The following MYLK2 variants were observed in gnomAD, a reference collection of about 807,000 sequenced individuals.
The protein encoded by MYLK2 is myosin light chain kinase 2, skeletal/cardiac muscle.
A neutral mutation model predicts 58.2 loss-of-function variants in MYLK2; 27 were observed. That is an observed-to-expected ratio of 0.46 (90% confidence interval 0.34 to 0.64). MYLK2 has a LOEUF of 0.64. Among genes scored for constraint, MYLK2 ranks in the 30% least tolerant of loss-of-function variants. The probability of loss-of-function intolerance (pLI) is 0.01; values close to 1 mark genes in which losing one functional copy is unlikely to be tolerated. For synonymous variants in MYLK2, 310 were observed against 296.7 expected, an observed-to-expected ratio of 1.04 and a Z score of -0.46; for missense variants, 676 against 764.3, an observed-to-expected ratio of 0.88 and a Z score of 1.36.
intron 8 of MYLK2, chr20:31,827,252 C>T: frequency 1.0e-6 from 1 of 985,400 alleles, no homozygotes; most frequent in Non-Finnish European, 1.2e-6. Context: ...GTCACACAGA[C>T]AAGTGGCTAA....
At chr20:31,822,519 G>A (rs953708433) in intron 4 of MYLK2, among the ~76,000 whole-genome samples, 1 of 152,164 alleles carries the variant, frequency 6.6e-6, no homozygotes, top group African/African-American at 2.4e-5. Context: ...CCCGTGGCTT[G>A]TTCATGGGCT....
rs774207947 is a variant in MYLK2, at chr20:31,833,718, A to G, written c.1712A>G (p.Lys571Arg). 1 of 1,613,874 alleles carries G rather than the reference A, an allele frequency of 6.2e-7. No homozygotes were observed. Among genetic ancestry groups the G allele is most frequent in the South Asian group, 1.1e-5 (1 of 91,086 alleles). Residue 571 changes from lysine to arginine, a missense_variant and splice_region_variant, in exon 13 of 13, where the codon AAA (lysine) becomes AGA (arginine). Coordinates refer to ENST00000375985, the MANE Select transcript of MYLK2 (RefSeq NM_033118.4). Reference sequence around the variant, plus strand: ...GACTCCCTCTCTTCTGCCCTCTAGAAAAACTTCATTGCTGTCAGCGCTGCC... The same window carrying G: ...GACTCCCTCTCTTCTGCCCTCTAGAGAAACTTCATTGCTGTCAGCGCTGCC... ...KKYLMKRRWKKNFIAVSAANR... is the reference protein window; with the variant it reads ...KKYLMKRRWKRNFIAVSAANR...
chr20:31,828,392 G>T (rs1297822895), intron 8 of MYLK2: 1 of 985,258 alleles, frequency 1.0e-6, no homozygotes, highest in Admixed American at 6.1e-5. Context: ...CAGCAAAGTG[G>T]ATGGTACTTT....
Position 31,826,811 on chromosome 20 carries a change from A to G in MYLK2, c.1097A>G (p.Glu366Gly), listed in dbSNP as rs748477421. 2 of 1,614,074 alleles carry G rather than the reference A, an allele frequency of 1.2e-6. No homozygotes were observed. Among genetic ancestry groups the G allele is most frequent in the South Asian group, 2.2e-5 (2 of 91,060 alleles). Residue 366 changes from glutamate to glycine, a missense_variant, in exon 8 of 13, where the codon GAG (glutamate) becomes GGG (glycine). Around this residue, in one of 2 missense-constraint regions of MYLK2, gnomAD observed 370 missense variants for 467.8 expected, o/e 0.79. Transcript: ENST00000375985. ...TGTGCACACAGCATCGAGGGCGGAG[A>G]GCTCTTCGAGAGGATTGTGGATGAG... Reference protein sequence around the residue: ...VLFMEYIEGGELFERIVDEDY... With the variant: ...VLFMEYIEGGGLFERIVDEDY...
chr20:31,823,360 A>G (rs776894301), intron 4 of MYLK2, 117 bp from the exon 5 acceptor site: 1 of 863,974 alleles, frequency 1.2e-6, no homozygotes, highest in Non-Finnish European at 1.9e-6. Flanking sequence ...TCCCCCAGGT[A>G]TCACTTGGTG....
Position 31,832,140 on chromosome 20 carries a change from C to CCGCT in MYLK2, c.1710+5_1710+8dup, listed in dbSNP as rs1289832308. ...CCTCATGAAGAGGCGCTGGAAGGTA[C>CCGCT]CGCTGGATTCAGGGTGGGGAGGGAG... On this transcript the variant is annotated splice_donor_region_variant and intron_variant, in intron 12 of 12. Coordinates refer to ENST00000375985, the MANE Select transcript of MYLK2 (RefSeq NM_033118.4). The CCGCT allele has an allele frequency of 2.5e-6, 4 of 1,608,692 alleles. No individual in the cohort carries two copies. In the African/African-American group the frequency reaches 5.3e-5, roughly 21 times the overall value.
chr20:31,833,183 A>AG lies in MYLK2; in HGVS notation c.1711-527dup, dbSNP rs1393430669. Among the ~76,000 whole-genome samples, 15 of 152,174 alleles carry AG rather than the reference A, an allele frequency of 9.9e-5. No individual in the cohort carries two copies. The East Asian group carries it at 1.9e-3, about 20-fold the overall frequency. ...CTGTGCCCAGCCTGCACTTCTAAATAGGGGGGGTCAGGAAGGGCTCACTGA... is the reference window on the plus strand; with the variant it reads ...CTGTGCCCAGCCTGCACTTCTAAATAGGGGGGGGTCAGGAAGGGCTCACTGA... On this transcript the variant is annotated intron_variant, in intron 12 of 12. Coordinates refer to ENST00000375985, the MANE Select transcript of MYLK2 (RefSeq NM_033118.4).
chr20:31,822,251 T>TA (rs200013356), intron 4 of MYLK2, among the ~76,000 whole-genome samples: 78 of 151,770 alleles, frequency 5.1e-4, no homozygotes, highest in Admixed American at 1.7e-3. Flanking sequence ...AAAATGAAGT[T>TA]AAAAAAAAGA....
At chr20:31,825,329 T>C (rs1024061157) in intron 6 of MYLK2, among the ~76,000 whole-genome samples, 3 of 152,218 alleles carry the variant, frequency 2.0e-5, no homozygotes, top group African/African-American at 7.2e-5. Flanking sequence ...TCACAGGCTC[T>C]GGCTCAGCAT....
intron 2 of MYLK2, 146 bp from the exon 3 acceptor site, chr20:31,819,980 C>A: frequency 9.5e-7 from 1 of 1,053,048 alleles, no homozygotes. Context: ...TAGGGGCCAT[C>A]AAGTGGCCCC....
At chr20:31,830,446 G>A (rs894133679) in intron 8 of MYLK2, among the ~76,000 whole-genome samples, 3 of 152,172 alleles carry the variant, frequency 2.0e-5, no homozygotes, top group Non-Finnish European at 4.4e-5. Context: ...GTATCTGGTG[G>A]TGGTCCTGCA....
chr20:31,832,235 T>A, intron 12 of MYLK2, 99 bp downstream of exon 12: 1 of 1,504,482 alleles, frequency 6.6e-7, no homozygotes, highest in Non-Finnish European at 9.0e-7. Flanking sequence ...GCAGGTTCTG[T>A]TGACCAGGCT....
chr20:31,824,669 C>G (rs1371785273), intron 6 of MYLK2: 1 of 706,488 alleles, frequency 1.4e-6, no homozygotes, highest in Non-Finnish European at 1.7e-6. Flanking sequence ...GTGCTGGGCA[C>G]TGGGGGTCTG....
rs780660993 is a variant in MYLK2, at chr20:31,820,517, T to G, written c.444T>G (p.His148Gln). ...AARRGSPAFL[H>Q]SPSCPAIISS... ...GGAGGGGCTCACCTGCCTTTCTGCATAGCCCCAGCTGTCCTGCCATCATCT... is the reference window on the plus strand; with the variant it reads ...GGAGGGGCTCACCTGCCTTTCTGCAGAGCCCCAGCTGTCCTGCCATCATCT... The change falls in exon 3 of 13, where the codon CAT (histidine) becomes CAG (glutamine). Residue 148 changes from histidine to glutamine, a missense_variant. Coordinates refer to ENST00000375985, the MANE Select transcript of MYLK2 (RefSeq NM_033118.4). 3.7e-6 allele frequency: 6 copies of G among 1,603,128 alleles called. No individual in the cohort carries two copies. The East Asian group carries it at 1.3e-4, about 36-fold the overall frequency.
intron 8 of MYLK2, chr20:31,828,461 G>T (rs893175870): frequency 1.3e-5 from 13 of 985,262 alleles, no homozygotes; most frequent in Non-Finnish European, 1.4e-5. Flanking sequence ...CGATAAGCAC[G>T]TGCTGGGTAC....
intron 3 of MYLK2, 33 bp downstream of exon 3, chr20:31,820,579 C>T (rs1212338986): frequency 6.3e-7 from 1 of 1,597,244 alleles, no homozygotes; most frequent in Admixed American, 1.7e-5. Context: ...GGGGAGGGGT[C>T]CTGTGGTTCT....
At chr20:31,825,094 T>C (rs1600409859) in intron 6 of MYLK2, among the ~76,000 whole-genome samples, 1 of 152,084 alleles carries the variant, frequency 6.6e-6, no homozygotes, top group Non-Finnish European at 1.5e-5. Flanking sequence ...CAGGAGGTGC[T>C]GGGGAGTGAG....
chr20:31,822,396 C>T (rs1344336330), intron 4 of MYLK2, among the ~76,000 whole-genome samples: 3 of 152,180 alleles, frequency 2.0e-5, no homozygotes, highest in Non-Finnish European at 2.9e-5. Flanking sequence ...CTATAGAGGG[C>T]TCATGCGCTG....
intron 8 of MYLK2, 137 bp downstream of exon 8, chr20:31,827,075 A>G: frequency 6.6e-7 from 1 of 1,508,506 alleles, no homozygotes; most frequent in Non-Finnish European, 8.9e-7. Flanking sequence ...TAGATTCAGA[A>G]AGGGTTTATG....
Sources: allele counts gnomAD v4.1 joint callset (sites outside exome capture counted in the v4.1 genomes callset), GRCh38; gene constraint gnomAD v4.1.1; regional missense constraint gnomAD v4.1.1; transcripts MANE v1.5; gene names NCBI Gene and HGNC (gene_info 2026-07-23, HGNC 2026-07-21).